MYO1D: variants seen among roughly 807,000 people sequenced by gnomAD.
The protein encoded by MYO1D is unconventional myosin-Id.
In MYO1D, 83 loss-of-function variants were observed where a neutral mutation model predicts 122.0. That is an observed-to-expected ratio of 0.68 (90% CI 0.57 to 0.82). The LOEUF is 0.82. MYO1D is among the 40% of genes least tolerant of loss of function. The pLI, the probability that MYO1D is intolerant of heterozygous loss-of-function variation, is 0.00. For missense variants in MYO1D, 1,157 were observed against 1,269.5 expected (o/e 0.91, Z 1.35); for synonymous variants, 464 against 446.9 (o/e 1.04, Z -0.48).
chr17:32,796,887 G>A (rs1249024453), intron 1 of MYO1D, among the ~76,000 whole-genome samples: 1 of 152,110 alleles, frequency 6.6e-6, no homozygotes, highest in Non-Finnish European at 1.5e-5. Context: ...CTGGACGACA[G>A]GAAACCTAAA....
intron 21 of MYO1D, among the ~76,000 whole-genome samples, chr17:32,566,985 C>T (rs1322439472): frequency 2.7e-5 from 4 of 150,354 alleles, no homozygotes; most frequent in South Asian, 2.1e-4. Flanking sequence ...TTCCAAAGCC[C>T]GTGCTCCATC....
intron 20 of MYO1D, among the ~76,000 whole-genome samples, chr17:32,626,645 C>A (rs1164895400): frequency 6.6e-6 from 1 of 151,942 alleles, no homozygotes; most frequent in Non-Finnish European, 1.5e-5. Flanking sequence ...TAAGGAAAAA[C>A]ACATTAAAAA....
chr17:32,814,559 G>C (rs762940780), intron 1 of MYO1D, among the ~76,000 whole-genome samples: 7 of 152,180 alleles, frequency 4.6e-5, no homozygotes, highest in Non-Finnish European at 1.0e-4. Flanking sequence ...TAAAAGAAGA[G>C]ACATATAATT....
intron 16 of MYO1D, among the ~76,000 whole-genome samples, chr17:32,695,135 A>AT (rs1350746102): frequency 7.2e-6 from 1 of 138,908 alleles, no homozygotes; most frequent in Non-Finnish European, 1.5e-5. Context: ...TGGAAGAAAG[A>AT]TTTTCCATGC....
In MYO1D at chr17:32,649,567, C is replaced by CTTTTTTTTT. The variant is rs35514290; in HGVS notation, c.2595+4267_2595+4275dup. Among the ~76,000 whole-genome samples the CTTTTTTTTT allele has an allele frequency of 3.3e-4, 31 of 94,082 alleles. 1 individual carries two copies. The highest frequency in any genetic ancestry group is 8.8e-4 in the African/African-American group (20 of 22,666). 61.7% of individuals were successfully genotyped at this position (94,082 alleles called of 152,430 possible). On this transcript the variant is annotated intron_variant, in intron 19 of 21. Transcript: ENST00000318217. The stretch of plus-strand genomic sequence containing the variant: ...TGGCTAAACCACATTTTCTTTCTTT[C>CTTTTTTTTT]TTTTTTTTTTTTTTTTTTTTTTGAG...
intron 14 of MYO1D, among the ~76,000 whole-genome samples, chr17:32,728,820 A>G (rs1470655567): frequency 1.3e-5 from 2 of 152,238 alleles, no homozygotes; most frequent in East Asian, 3.8e-4. Flanking sequence ...TATTAACCAG[A>G]AAATAGTTGA....
intron 1 of MYO1D, among the ~76,000 whole-genome samples, chr17:32,854,806 G>C (rs1012335297): frequency 3.3e-5 from 5 of 152,208 alleles, no homozygotes; most frequent in Non-Finnish European, 7.4e-5. Flanking sequence ...CGTAACTATA[G>C]CTACAGAATA....
intron 21 of MYO1D, among the ~76,000 whole-genome samples, chr17:32,542,230 A>G (rs1308924821): frequency 6.6e-6 from 1 of 152,210 alleles, no homozygotes; most frequent in East Asian, 1.9e-4. Context: ...CCGACAGAGG[A>G]TTATCATGGC....
chr17:32,660,816 G>A (rs541460105), intron 16 of MYO1D, among the ~76,000 whole-genome samples: 20 of 152,200 alleles, frequency 1.3e-4, no homozygotes, highest in Non-Finnish European at 2.4e-4. Context: ...GCTTTGTTAC[G>A]CCTCCACCCA....
intron 21 of MYO1D, chr17:32,519,033 C>T (rs1001597751): frequency 6.6e-6 from 1 of 152,396 alleles, no homozygotes; most frequent in African/African-American, 2.4e-5. Context: ...ACCTCCTTTT[C>T]CTCCCGTCTC....
intron 16 of MYO1D, among the ~76,000 whole-genome samples, chr17:32,681,048 T>C (rs1884231477): frequency 6.6e-6 from 1 of 152,194 alleles, no homozygotes. Flanking sequence ...TAGAGGTGTT[T>C]GTAGTATTCT....
At chr17:32,636,121 C>T (rs529345001) in intron 20 of MYO1D, among the ~76,000 whole-genome samples, 148 of 152,238 alleles carry the variant, frequency 9.7e-4, no homozygotes, top group Non-Finnish European at 1.8e-3. Context: ...TTCTCTCTCT[C>T]GACTCATAAT....
intron 1 of MYO1D, among the ~76,000 whole-genome samples, chr17:32,801,709 G>A (rs1453389612): frequency 6.6e-6 from 1 of 152,180 alleles, no homozygotes. Context: ...GTATGTGTGT[G>A]TGTGCATTCC....
chr17:32,863,598 A>G (rs2470218), intron 1 of MYO1D, among the ~76,000 whole-genome samples: 89,850 of 152,122 alleles, frequency 0.59, 26,844 homozygotes, highest in African/African-American at 0.67. Flanking sequence ...AGTGTGGAAC[A>G]AAACATTACA....
chr17:32,543,800 C>CT lies in MYO1D; in HGVS notation c.2865-48886dup, dbSNP rs981645160. On this transcript the variant is annotated intron_variant, in intron 21 of 21. Transcript: ENST00000318217. ...ATATTAAAGCAATACTTAAATCTTGCTTTTTTTTTTGAGATGGAGTCTCGC... is the reference window on the plus strand; with the variant it reads ...ATATTAAAGCAATACTTAAATCTTGCTTTTTTTTTTTGAGATGGAGTCTCGC... Among the ~76,000 whole-genome samples the CT allele has an allele frequency of 4.2e-3, 613 of 146,790 alleles. 2 individuals carry two copies. The highest frequency in any genetic ancestry group is 0.014 in the African/African-American group (559 of 40,218).
chr17:32,762,659 A>G (rs2090013285), intron 8 of MYO1D, among the ~76,000 whole-genome samples: 1 of 152,096 alleles, frequency 6.6e-6, no homozygotes. Context: ...AGATCACCTG[A>G]GGTCAGGAGT....
intron 20 of MYO1D, among the ~76,000 whole-genome samples, chr17:32,618,489 G>C (rs571136639): frequency 6.6e-6 from 1 of 152,046 alleles, no homozygotes; most frequent in African/African-American, 2.4e-5. Context: ...AGGGATCAAG[G>C]GCACCATCAA....
chr17:32,571,724 T>C (rs1454573102), intron 21 of MYO1D, among the ~76,000 whole-genome samples: 1 of 152,240 alleles, frequency 6.6e-6, no homozygotes, highest in African/African-American at 2.4e-5. Flanking sequence ...GTTCAATTAA[T>C]TTTGGGAAAT....
intron 21 of MYO1D, among the ~76,000 whole-genome samples, chr17:32,537,031 C>A (rs1191254502): frequency 6.6e-6 from 1 of 152,150 alleles, no homozygotes; most frequent in Non-Finnish European, 1.5e-5. Flanking sequence ...ACTTGATTTG[C>A]CCAAGGAATG....
Sources: gnomAD v4.1 joint callset for allele counts (sites outside exome capture counted in the v4.1 genomes callset) on GRCh38, gnomAD v4.1.1 for gene constraint, MANE v1.5 for transcripts, NCBI Gene and HGNC (gene_info 2026-07-23, HGNC 2026-07-21) for gene names.